Variants in SDK1 observed in about 807,000 individuals in gnomAD.
SDK1 encodes protein sidekick-1.
A neutral mutation model predicts 245.5 loss-of-function variants in SDK1; 157 were observed. The observed-to-expected ratio is 0.64, with a 90% CI of 0.56 to 0.73. The LOEUF (loss-of-function observed/expected upper bound fraction) is 0.73. Ranked by LOEUF, SDK1 falls within the 30% of genes least tolerant of loss-of-function variation. SDK1 has a pLI of 0.00. For synonymous variants in SDK1, 1,647 were observed against 1,278.5 expected (o/e 1.29, Z -6.15); for missense variants, 3,583 against 3,002.3 (o/e 1.19, Z -4.52).
chr7:3,687,303 A>G (rs1012359677), intron 4 of SDK1, among the ~76,000 whole-genome samples: 4 of 151,436 alleles, frequency 2.6e-5, no homozygotes, highest in African/African-American at 9.7e-5. Flanking sequence ...TAATTTTTGT[A>G]TTTTTAGGAG....
intron 41 of SDK1, among the ~76,000 whole-genome samples, chr7:4,237,014 C>A (rs1448399838): frequency 1.3e-5 from 2 of 152,042 alleles, no homozygotes; most frequent in African/African-American, 4.8e-5. Flanking sequence ...TCAAGTGATC[C>A]TCCCGCCTCA....
chr7:4,263,538 A>G (rs1262527419), intron 44 of SDK1, among the ~76,000 whole-genome samples: 1 of 86,996 alleles, frequency 1.1e-5, no homozygotes, highest in Non-Finnish European at 2.4e-5. Flanking sequence ...GAGGCCGCGT[A>G]GACGCCTCCT....
At chr7:4,048,845 C>G (rs924472244) in intron 17 of SDK1, among the ~76,000 whole-genome samples, 1 of 152,142 alleles carries the variant, frequency 6.6e-6, no homozygotes, top group East Asian at 1.9e-4. Context: ...ATGATTGTCC[C>G]CGTTGACAGA....
At chr7:3,396,060 G>A (rs1781888453) in intron 1 of SDK1, among the ~76,000 whole-genome samples, 1 of 151,468 alleles carries the variant, frequency 6.6e-6, no homozygotes, top group Non-Finnish European at 1.5e-5. Flanking sequence ...ATTGATTTGA[G>A]ATTTTTTTCT....
chr7:4,147,878 C>A (rs1219676195), intron 29 of SDK1, among the ~76,000 whole-genome samples: 1 of 152,140 alleles, frequency 6.6e-6, no homozygotes, highest in Non-Finnish European at 1.5e-5. Context: ...ATTGACTGTG[C>A]CCCTCCCGCG....
intron 1 of SDK1, among the ~76,000 whole-genome samples, chr7:3,577,500 C>T (rs1348452597): frequency 6.6e-6 from 1 of 151,940 alleles, no homozygotes; most frequent in Non-Finnish European, 1.5e-5. Context: ...TTTTCATGCT[C>T]TTCCCTCTTT....
chr7:3,947,771 G>C (rs780180643), intron 5 of SDK1, among the ~76,000 whole-genome samples: 1 of 151,888 alleles, frequency 6.6e-6, no homozygotes, highest in Non-Finnish European at 1.5e-5. Flanking sequence ...TCATGAAGTG[G>C]TGTGAGCTAA....
At chr7:3,590,726 C>T (rs1583202641) in intron 1 of SDK1, among the ~76,000 whole-genome samples, 1 of 151,716 alleles carries the variant, frequency 6.6e-6, no homozygotes, top group Middle Eastern at 3.4e-3. Flanking sequence ...AACAGAGCCT[C>T]ACTGCTGGAC....
At chr7:4,009,373 G>A (rs1785756668) in intron 14 of SDK1, among the ~76,000 whole-genome samples, 1 of 152,216 alleles carries the variant, frequency 6.6e-6, no homozygotes, top group Admixed American at 6.5e-5. Flanking sequence ...TTGACAAATG[G>A]CTGTTTTCTG....
At chr7:4,230,905 C>T (rs764153229) in intron 40 of SDK1, among the ~76,000 whole-genome samples, 10 of 152,096 alleles carry the variant, frequency 6.6e-5, no homozygotes, top group Non-Finnish European at 8.8e-5. Flanking sequence ...ACAGGCTGTG[C>T]GTAAGTCATT....
At chr7:3,468,373 T>C (rs1484722155) in intron 1 of SDK1, among the ~76,000 whole-genome samples, 1 of 152,176 alleles carries the variant, frequency 6.6e-6, no homozygotes. Context: ...CAAGGCTTTC[T>C]CTGACCTTCT....
intron 1 of SDK1, among the ~76,000 whole-genome samples, chr7:3,481,150 A>G (rs1292409263): frequency 1.4e-5 from 2 of 146,512 alleles, no homozygotes; most frequent in African/African-American, 5.2e-5. Flanking sequence ...AAACTATTTT[A>G]CTTAAAAAAT....
intron 1 of SDK1, among the ~76,000 whole-genome samples, chr7:3,413,690 C>T (rs1197135445): frequency 7.9e-5 from 12 of 151,928 alleles, no homozygotes; most frequent in Non-Finnish European, 1.5e-5. Context: ...TCATCTCAAA[C>T]AAACAAATAA....
chr7:4,040,844 C>G lies in SDK1; in HGVS notation c.2603-8504C>G, dbSNP rs147659007. 1.9e-3 allele frequency among the ~76,000 whole-genome samples: 293 copies of G among 152,252 alleles called. 5 individuals carry two copies. The South Asian group carries it at 0.028, about 15-fold the overall frequency. Reference sequence around the variant, plus strand: ...GTGACAAAGAAAACGGAAGATGGAGCCTCCATGTTGAATGTGTCTGGCCCT... The same window carrying G: ...GTGACAAAGAAAACGGAAGATGGAGGCTCCATGTTGAATGTGTCTGGCCCT... On this transcript the variant is annotated intron_variant, in intron 17 of 44. Coordinates refer to ENST00000404826, the MANE Select transcript of SDK1 (RefSeq NM_152744.4).
At chr7:3,609,121 G>A (rs1241057548) in intron 1 of SDK1, among the ~76,000 whole-genome samples, 3 of 152,144 alleles carry the variant, frequency 2.0e-5, no homozygotes, top group Non-Finnish European at 2.9e-5. Context: ...TATTAATAAT[G>A]TAATGACTTT....
At chr7:4,080,803 C>A (rs1294568274) in intron 22 of SDK1, among the ~76,000 whole-genome samples, 1 of 151,968 alleles carries the variant, frequency 6.6e-6, no homozygotes, top group Non-Finnish European at 1.5e-5. Flanking sequence ...CACATGTATA[C>A]ATATGTAACA....
intron 17 of SDK1, among the ~76,000 whole-genome samples, chr7:4,024,017 A>G (rs983467696): frequency 6.6e-5 from 10 of 152,244 alleles, no homozygotes; most frequent in Non-Finnish European, 1.2e-4. Context: ...GAGACAAATT[A>G]TGCTATAAAT....
At chr7:3,749,496 T>A (rs1023074572) in intron 4 of SDK1, among the ~76,000 whole-genome samples, 42 of 152,308 alleles carry the variant, frequency 2.8e-4, no homozygotes, top group African/African-American at 9.4e-4. Context: ...AGACAGGGTT[T>A]CACCATGTTA....
intron 1 of SDK1, among the ~76,000 whole-genome samples, chr7:3,327,606 T>A (rs1779968155): frequency 6.6e-6 from 1 of 152,030 alleles, no homozygotes; most frequent in Non-Finnish European, 1.5e-5. Context: ...ATATTCCAAC[T>A]GAAAGCTGTC....
Sources: allele counts gnomAD v4.1 joint callset (sites outside exome capture counted in the v4.1 genomes callset), GRCh38; gene constraint gnomAD v4.1.1; transcripts MANE v1.5; gene names NCBI Gene and HGNC (gene_info 2026-07-23, HGNC 2026-07-21).